The following NKAIN3 variants were observed in gnomAD, a reference collection of about 807,000 sequenced individuals.
NKAIN3 encodes the protein sodium/potassium-transporting ATPase subunit beta-1-interacting protein 3.
Under a neutral mutation model 30.2 loss-of-function variants are expected in NKAIN3, and 25 were observed. That is an observed-to-expected ratio of 0.83 (90% CI 0.60 to 1.16). The LOEUF is 1.16. Ranked by LOEUF, NKAIN3 falls within the 50% of genes most tolerant of loss-of-function variation. The pLI is 0.00. For missense variants in NKAIN3, 225 were observed against 254.1 expected (o/e 0.89, Z 0.78); for synonymous variants, 91 against 89.6 (o/e 1.02, Z -0.09).
At chr8:62,706,337 A>G (rs1814520813) in intron 3 of NKAIN3, among the ~76,000 whole-genome samples, 1 of 152,066 alleles carries the variant, frequency 6.6e-6, no homozygotes, top group Non-Finnish European at 1.5e-5. Context: ...GGGAGGAGGG[A>G]CATGCAGCAG....
rs555075483 is a variant in NKAIN3 at position 62,973,299 on chromosome 8, G to A, written c.*7892G>A. Among the ~76,000 whole-genome samples the A allele has an allele frequency of 9.8e-5, 15 of 152,312 alleles. No homozygotes were observed. Among genetic ancestry groups the A allele is most frequent in the African/African-American group, 3.1e-4 (13 of 41,578 alleles). ...TACACTCCCACCAACAGTGTTAAAA[G>A]CATTCCTATTTCTCCACATCCTCTC... On this transcript the variant is annotated 3_prime_UTR_variant, in exon 7 of 7. Transcript: ENST00000623646.
chr8:62,485,722 T>A (rs1284986225), intron 1 of NKAIN3, among the ~76,000 whole-genome samples: 2 of 152,152 alleles, frequency 1.3e-5, no homozygotes, highest in Non-Finnish European at 2.9e-5. Context: ...TGTAGTTTTC[T>A]TTCAGGGAGA....
chr8:62,738,635 T>C, intron 3 of NKAIN3, among the ~76,000 whole-genome samples: 1 of 150,300 alleles, frequency 6.7e-6, no homozygotes, highest in African/African-American at 2.4e-5. Flanking sequence ...TTTTGAGTAG[T>C]GTCTGTTTAT....
At chr8:62,570,100 T>A (rs552342829) in intron 1 of NKAIN3, among the ~76,000 whole-genome samples, 1 of 152,312 alleles carries the variant, frequency 6.6e-6, no homozygotes. Context: ...AAAATCCAAG[T>A]GGAATGAGAG....
At chr8:62,488,662 T>G (rs548579041) in intron 1 of NKAIN3, among the ~76,000 whole-genome samples, 1 of 152,296 alleles carries the variant, frequency 6.6e-6, no homozygotes, top group East Asian at 1.9e-4. Flanking sequence ...AGCGTATAGG[T>G]CTCTTACTAG....
intron 5 of NKAIN3, among the ~76,000 whole-genome samples, chr8:62,994,717 A>T (rs141677413): frequency 6.6e-6 from 1 of 152,346 alleles, no homozygotes; most frequent in East Asian, 1.9e-4. Flanking sequence ...CCGAGAGAAG[A>T]GAAATGTAAC....
intron 3 of NKAIN3, among the ~76,000 whole-genome samples, chr8:62,628,336 A>G (rs1331265598): frequency 1.3e-5 from 2 of 152,148 alleles, no homozygotes; most frequent in African/African-American, 4.8e-5. Context: ...TGCATTATTG[A>G]TGTACTAAAG....
chr8:62,753,941 A>C lies in NKAIN3; in HGVS notation c.471+6812A>C, dbSNP rs142939263. Among the ~76,000 whole-genome samples the C allele has an allele frequency of 1.3e-4, 20 of 152,308 alleles. No homozygotes were observed. In the East Asian group the frequency reaches 3.9e-3, roughly 29 times the overall value. ...GAAAGTAATAACTATGTTAATTTTA[A>C]GACCATATATAAAACATGAAACAGT... On this transcript the variant is annotated intron_variant, in intron 4 of 6. Transcript: ENST00000623646.
chr8:62,758,263 A>C (rs1454518621), intron 4 of NKAIN3, among the ~76,000 whole-genome samples: 1 of 152,174 alleles, frequency 6.6e-6, no homozygotes, highest in Non-Finnish European at 1.5e-5. Flanking sequence ...ACAACTAAAT[A>C]AAACTTGTGA....
chr8:62,710,169 T>C (rs894512061), intron 3 of NKAIN3, among the ~76,000 whole-genome samples: 3 of 152,158 alleles, frequency 2.0e-5, no homozygotes, highest in Admixed American at 2.0e-4. Flanking sequence ...GATTGTTCCA[T>C]GTGCTGTTGA....
chr8:62,721,730 A>G (rs1462621704), intron 3 of NKAIN3, among the ~76,000 whole-genome samples: 1 of 152,202 alleles, frequency 6.6e-6, no homozygotes, highest in African/African-American at 2.4e-5. Flanking sequence ...AATGATCTCT[A>G]TGTGGGAAGA....
chr8:62,844,044 G>A (rs1436019517), intron 4 of NKAIN3, among the ~76,000 whole-genome samples: 2 of 152,102 alleles, frequency 1.3e-5, no homozygotes, highest in Admixed American at 6.6e-5. Context: ...TGAGGCACTC[G>A]CAACTTCATT....
rs1402099604 is a variant in NKAIN3 at position 62,617,911 on chromosome 8, T to C, written c.273+28117T>C. Among the ~76,000 whole-genome samples the C allele has an allele frequency of 2.6e-5, 4 of 152,360 alleles. No homozygotes were observed. In the East Asian group the frequency reaches 7.7e-4, roughly 29 times the overall value. On this transcript the variant is annotated intron_variant, in intron 3 of 6. Coordinates refer to ENST00000623646, the MANE Select transcript of NKAIN3 (RefSeq NM_001304533.3). The stretch of plus-strand genomic sequence containing the variant: ...ATTTATGACTAAACAATACTCTCTT[T>C]GAGTAGTTGACACCAGAACTACATA...
At chr8:62,514,676 A>G (rs1245331354) in intron 1 of NKAIN3, among the ~76,000 whole-genome samples, 1 of 152,104 alleles carries the variant, frequency 6.6e-6, no homozygotes, top group Non-Finnish European at 1.5e-5. Flanking sequence ...TGAATAAATA[A>G]TTCATGTGTT....
At chr8:62,641,333 G>A (rs1457282755) in intron 3 of NKAIN3, among the ~76,000 whole-genome samples, 1 of 152,118 alleles carries the variant, frequency 6.6e-6, no homozygotes, top group Non-Finnish European at 1.5e-5. Context: ...CTATTGCTGT[G>A]TGTCTTGCTG....
At chr8:62,778,250 G>A (rs1817249988) in intron 4 of NKAIN3, among the ~76,000 whole-genome samples, 2 of 152,106 alleles carry the variant, frequency 1.3e-5, no homozygotes, top group South Asian at 4.1e-4. Flanking sequence ...AAATCAGCAA[G>A]TGGGAAAACC....
intron 1 of NKAIN3, among the ~76,000 whole-genome samples, chr8:62,478,265 C>T (rs1330052254): frequency 2.0e-5 from 3 of 152,072 alleles, no homozygotes; most frequent in Admixed American, 2.0e-4. Flanking sequence ...AGTAGTTGCT[C>T]CAGTATTTAA....
At chr8:62,260,353 A>G (rs1812398908) in intron 1 of NKAIN3, among the ~76,000 whole-genome samples, 1 of 152,214 alleles carries the variant, frequency 6.6e-6, no homozygotes, top group Admixed American at 6.5e-5. Context: ...ATCATAATTA[A>G]GACAATGGGA....
intron 1 of NKAIN3, among the ~76,000 whole-genome samples, chr8:62,412,660 A>G (rs557645510): frequency 5.9e-5 from 9 of 151,898 alleles, no homozygotes; most frequent in Admixed American, 1.3e-4. Context: ...TTTGGGAGGC[A>G]GAGGCGGGCG....
Sources: allele counts gnomAD v4.1 joint callset (sites outside exome capture counted in the v4.1 genomes callset), GRCh38; gene constraint gnomAD v4.1.1; transcripts MANE v1.5; gene names NCBI Gene and HGNC (gene_info 2026-07-23, HGNC 2026-07-21).